Variants in RSBN1L observed in about 807,000 individuals in gnomAD.
RSBN1L encodes lysine-specific demethylase RSBN1L.
Under a neutral mutation model 67.7 loss-of-function variants are expected in RSBN1L, and 30 were observed. The observed-to-expected ratio is 0.44, with a 90% confidence interval of 0.33 to 0.60. The LOEUF is 0.60. Among genes scored for constraint, RSBN1L ranks in the 20% least tolerant of loss-of-function variants. The pLI is 0.02. For missense variants in RSBN1L, 992 were observed against 1,031.7 expected (o/e 0.96, Z 0.53); for synonymous variants, 433 against 387.0 (o/e 1.12, Z -1.39).
chr7:77,747,801 G>A (rs1386435016), intron 2 of RSBN1L, among the ~76,000 whole-genome samples: 2 of 151,958 alleles, frequency 1.3e-5, no homozygotes, highest in African/African-American at 2.4e-5. Context: ...TTCTTATACT[G>A]CTATAAAGAA....
At chr7:77,724,978 G>T (rs1411505660) in intron 1 of RSBN1L, among the ~76,000 whole-genome samples, 1 of 150,370 alleles carries the variant, frequency 6.7e-6, no homozygotes, top group Non-Finnish European at 1.5e-5. Context: ...GAGTAGCTGG[G>T]ATTATAGGCA....
At chr7:77,716,389 G>A (rs1791048391) in intron 1 of RSBN1L, among the ~76,000 whole-genome samples, 1 of 148,896 alleles carries the variant, frequency 6.7e-6, no homozygotes, top group African/African-American at 2.5e-5. Flanking sequence ...GTGGTGGTGC[G>A]ATCATGGCTC....
intron 1 of RSBN1L, among the ~76,000 whole-genome samples, chr7:77,712,287 A>AT (rs542415039): frequency 8.9e-4 from 130 of 145,828 alleles, no homozygotes; most frequent in Middle Eastern, 3.6e-3. Context: ...TACATACATG[A>AT]TTTTTTTTTT....
At chr7:77,766,393 C>T (rs1791766760) in intron 4 of RSBN1L, among the ~76,000 whole-genome samples, 1 of 152,174 alleles carries the variant, frequency 6.6e-6, no homozygotes, top group Non-Finnish European at 1.5e-5. Context: ...CCATGTTGCT[C>T]AGGCTGGTCT....
At chr7:77,706,836 C>T (rs1435063634) in intron 1 of RSBN1L, among the ~76,000 whole-genome samples, 1 of 152,082 alleles carries the variant, frequency 6.6e-6, no homozygotes, top group Non-Finnish European at 1.5e-5. Context: ...AGGGCAATTA[C>T]AGTTGGTAAT....
intron 3 of RSBN1L, among the ~76,000 whole-genome samples, chr7:77,756,218 G>A (rs1584297848): frequency 6.6e-6 from 1 of 151,714 alleles, no homozygotes; most frequent in East Asian, 1.9e-4. Flanking sequence ...TGAAACCTCT[G>A]TCTCCCGGGT....
At chr7:77,703,942 C>T (rs1381698834) in intron 1 of RSBN1L, among the ~76,000 whole-genome samples, 2 of 152,118 alleles carry the variant, frequency 1.3e-5, no homozygotes, top group African/African-American at 4.8e-5. Flanking sequence ...GGTGTGCAAC[C>T]ACGCCCCGAT....
chr7:77,743,932 C>A (rs1791447117), intron 2 of RSBN1L, among the ~76,000 whole-genome samples: 2 of 152,136 alleles, frequency 1.3e-5, no homozygotes, highest in South Asian at 4.1e-4. Flanking sequence ...CTCTATGTTC[C>A]CCAAGCTGAT....
chr7:77,733,019 C>T lies in RSBN1L; in HGVS notation c.587-3391C>T, dbSNP rs896721343. Among the ~76,000 whole-genome samples the T allele has an allele frequency of 1.4e-4, 22 of 152,066 alleles. No individual in the cohort carries two copies. The South Asian group carries it at 1.5e-3, about 10-fold the overall frequency. On this transcript the variant is annotated intron_variant, in intron 1 of 7. Transcript: ENST00000334955. ...ATTTAAGGTTGGATTTTGGGCTGGGCGTGGTGGCTTAGGCCTGCAATCTGA... is the reference window on the plus strand; with the variant it reads ...ATTTAAGGTTGGATTTTGGGCTGGGTGTGGTGGCTTAGGCCTGCAATCTGA...
At chr7:77,747,283 T>C (rs1791496648) in intron 2 of RSBN1L, among the ~76,000 whole-genome samples, 1 of 152,206 alleles carries the variant, frequency 6.6e-6, no homozygotes, top group Admixed American at 6.5e-5. Context: ...CAGAAATTTG[T>C]GTAAATAAAA....
intron 6 of RSBN1L, among the ~76,000 whole-genome samples, chr7:77,775,484 G>A (rs951347436): frequency 2.0e-5 from 3 of 152,144 alleles, no homozygotes; most frequent in African/African-American, 7.2e-5. Flanking sequence ...AGCCGAGATC[G>A]TGCTGTGTTT....
At chr7:77,708,647 G>C (rs1790927266) in intron 1 of RSBN1L, among the ~76,000 whole-genome samples, 1 of 152,176 alleles carries the variant, frequency 6.6e-6, no homozygotes, top group South Asian at 2.1e-4. Flanking sequence ...CTTCCAAAGT[G>C]CTGGGATTAC....
chr7:77,772,836 G>C (rs1344735421), intron 5 of RSBN1L, among the ~76,000 whole-genome samples: 1 of 152,142 alleles, frequency 6.6e-6, no homozygotes, highest in East Asian at 1.9e-4. Flanking sequence ...TGTTACCCAA[G>C]AGATCTGAGT....
At chr7:77,721,310 T>G (rs905230558) in intron 1 of RSBN1L, among the ~76,000 whole-genome samples, 2 of 152,146 alleles carry the variant, frequency 1.3e-5, no homozygotes, top group Admixed American at 6.6e-5. Flanking sequence ...TCTTTTTACT[T>G]AAATCTTTTG....
intron 5 of RSBN1L, 118 bp from the exon 6 acceptor site, chr7:77,773,029 A>G: frequency 1.9e-6 from 1 of 538,870 alleles, no homozygotes; most frequent in Non-Finnish European, 3.2e-6. Context: ...CATTTTAAAG[A>G]TAGAATTTGA....
intron 1 of RSBN1L, among the ~76,000 whole-genome samples, chr7:77,727,182 G>A (rs1399354204): frequency 1.3e-5 from 2 of 151,690 alleles, no homozygotes; most frequent in Admixed American, 1.3e-4. Context: ...CCGCCTCCTA[G>A]GTTCAAGCGA....
chr7:77,764,874 G>T (rs747562718), intron 3 of RSBN1L, among the ~76,000 whole-genome samples: 1 of 151,974 alleles, frequency 6.6e-6, no homozygotes, highest in South Asian at 2.1e-4. Flanking sequence ...CTCATGATCC[G>T]CCTGCCTTGG....
At chr7:77,766,264 G>A (rs1791765094) in intron 4 of RSBN1L, among the ~76,000 whole-genome samples, 1 of 152,146 alleles carries the variant, frequency 6.6e-6, no homozygotes, top group Non-Finnish European at 1.5e-5. Flanking sequence ...GTAATGTGGA[G>A]CCCTGACCTC....
At chr7:77,759,243 T>C (rs1357782019) in intron 3 of RSBN1L, among the ~76,000 whole-genome samples, 1 of 152,196 alleles carries the variant, frequency 6.6e-6, no homozygotes, top group Non-Finnish European at 1.5e-5. Context: ...TGACCAATTG[T>C]GCCTGCCCCA....
Sources: gnomAD v4.1 joint callset for allele counts (sites outside exome capture counted in the v4.1 genomes callset) on GRCh38, gnomAD v4.1.1 for gene constraint, MANE v1.5 for transcripts, NCBI Gene and HGNC (gene_info 2026-07-23, HGNC 2026-07-21) for gene names.